TRIM34: variants seen among roughly 807,000 people sequenced by gnomAD.
TRIM34 encodes the protein tripartite motif containing 34, also known as E3 ubiquitin-protein ligase TRIM34.
A neutral mutation model predicts 38.1 loss-of-function variants in TRIM34; 41 were observed. That is an observed-to-expected ratio of 1.08 (90% CI 0.84 to 1.40). TRIM34 has a LOEUF of 1.40. Ranked by LOEUF, TRIM34 falls within the 40% of genes most tolerant of loss-of-function variation. The pLI is 0.00. For synonymous variants in TRIM34, 200 were observed against 202.5 expected (o/e 0.99, Z 0.10); for missense variants, 556 against 571.4 (o/e 0.97, Z 0.27).
chr11:5,628,194 G>C (rs1327288866), intron 1 of TRIM34, among the ~76,000 whole-genome samples: 1 of 152,176 alleles, frequency 6.6e-6, no homozygotes, highest in Admixed American at 6.5e-5. Context: ...CATCCTCACT[G>C]TGAACATGAA....
At chr11:5,628,998 C>T (rs929794088) in intron 1 of TRIM34, among the ~76,000 whole-genome samples, 29 of 152,060 alleles carry the variant, frequency 1.9e-4, no homozygotes, top group South Asian at 4.1e-4. Flanking sequence ...AGGTCAAGGC[C>T]GGGTGCAGTG....
At chr11:5,639,735 G>C (rs1187093084) in intron 4 of TRIM34, among the ~76,000 whole-genome samples, 2 of 149,146 alleles carry the variant, frequency 1.3e-5, no homozygotes, top group African/African-American at 5.0e-5. Flanking sequence ...TATAGGCGGT[G>C]GATAGAACAG....
chr11:5,638,813 G>C (rs954806819), intron 4 of TRIM34, among the ~76,000 whole-genome samples: 1 of 152,174 alleles, frequency 6.6e-6, no homozygotes. Context: ...AGTCCAATGA[G>C]ATGCAGACAG....
upstream of TRIM34, among the ~76,000 whole-genome samples, chr11:5,622,006 G>T (rs1016760170): frequency 6.6e-6 from 1 of 152,050 alleles, no homozygotes; most frequent in Admixed American, 6.5e-5. Flanking sequence ...CTTCAGCCTT[G>T]GTAAAATAAA....
chr11:5,633,278 G>A (rs1275978275), intron 2 of TRIM34, among the ~76,000 whole-genome samples: 1 of 150,758 alleles, frequency 6.6e-6, no homozygotes, highest in Non-Finnish European at 1.5e-5. Flanking sequence ...TGAGTCCCGT[G>A]ATCTTCTCCA....
intron 4 of TRIM34, among the ~76,000 whole-genome samples, chr11:5,639,044 G>A (rs1254006092): frequency 1.3e-5 from 2 of 151,948 alleles, no homozygotes; most frequent in Non-Finnish European, 2.9e-5. Context: ...CTAGAGTCTT[G>A]GAAAGTTTCT....
At chr11:5,623,720 A>G (rs529397440), upstream of TRIM34, among the ~76,000 whole-genome samples, 36 of 152,234 alleles carry the variant, frequency 2.4e-4, no homozygotes, top group African/African-American at 8.7e-4. Flanking sequence ...TTACTTTTGC[A>G]CTAACCTGAT....
chr11:5,632,896 G>A (rs1230831049), intron 2 of TRIM34, 142 bp downstream of exon 2: 20 of 1,156,370 alleles, frequency 1.7e-5, no homozygotes, highest in Middle Eastern at 3.2e-4. Flanking sequence ...GCGTGCTCTC[G>A]GCTCACTGCA....
chr11:5,642,551 T>G, intron 6 of TRIM34, 45 bp downstream of exon 6: 1 of 1,603,734 alleles, frequency 6.2e-7, no homozygotes, highest in Non-Finnish European at 8.5e-7. Context: ...ATTGTTGTGG[T>G]GTCAGGTAAT....
chr11:5,632,821 CCT>C, intron 2 of TRIM34, 67 bp downstream of exon 2: 13 of 1,189,794 alleles, frequency 1.1e-5, no homozygotes, highest in South Asian at 7.7e-5. Context: ...ACCTTTTCAT[CCT>C]TTTTTTTTTT....
At chr11:5,624,498 T>C (rs1196578314), upstream of TRIM34, among the ~76,000 whole-genome samples, 1 of 152,116 alleles carries the variant, frequency 6.6e-6, no homozygotes, top group Non-Finnish European at 1.5e-5. Flanking sequence ...ATAATTCAAA[T>C]TGGTAAACTG....
rs757998714 is a variant in TRIM34, at chr11:5,632,243, C to A, written c.-77-12C>A. ...GTACCATTCTTATACCATCCCCTTT[C>A]AATCTTCTCAGCCATCCAGGGGTCT... On this transcript the variant is annotated splice_polypyrimidine_tract_variant and intron_variant, in intron 1 of 7. Coordinates refer to ENST00000429814, the MANE Select transcript of TRIM34 (RefSeq NM_021616.6). 6.3e-7 allele frequency: 1 copy of A among 1,584,002 alleles called. No homozygotes were observed. Among genetic ancestry groups the A allele is most frequent in the Non-Finnish European group, 8.6e-7 (1 of 1,168,566 alleles).
Position 5,643,126 on chromosome 11 carries a change from T to TATGTA in TRIM34, c.902-18_902-17insATGTA. 9.0e-7 allele frequency: 1 copy of TATGTA among 1,115,534 alleles called. No individual in the cohort carries two copies. 69.1% of individuals were successfully genotyped at this position (1,115,534 alleles called of 1,614,324 possible). A position where few individuals can be genotyped will look rare whatever the true frequency, so the allele number is the denominator to read the frequency against. ...TTATATTCATATACATATATATATATTTTTTTTTTTCTTGCAGTGGATGTC... is the reference window on the plus strand; with the variant it reads ...TTATATTCATATACATATATATATATATGTATTTTTTTTTTCTTGCAGTGGATGTC... On this transcript the variant is annotated splice_polypyrimidine_tract_variant and intron_variant, in intron 7 of 7. Coordinates refer to ENST00000429814, the MANE Select transcript of TRIM34 (RefSeq NM_021616.6).
Position 5,641,202 on chromosome 11 carries a change from G to A in TRIM34, c.773+13G>A. On this transcript the variant is annotated intron_variant, in intron 5 of 7. Coordinates refer to ENST00000429814, the MANE Select transcript of TRIM34 (RefSeq NM_021616.6). ...GAATCATGAAATGGTGCGTATGGGT[G>A]GCCAGGAGTGGTGCTTGTGAGTTAT... 6.2e-7 allele frequency: 1 copy of A among 1,613,732 alleles called. No homozygotes were observed. Among genetic ancestry groups the A allele is most frequent in the East Asian group, 2.2e-5 (1 of 44,844 alleles).
At chr11:5,632,782 G>C in intron 2 of TRIM34, 28 bp downstream of exon 2, 1 of 1,541,992 alleles carries the variant, frequency 6.5e-7, no homozygotes. Context: ...GGGAGATGGG[G>C]CAGAAGATGG....
chr11:5,628,795 C>A (rs1008201863), intron 1 of TRIM34, among the ~76,000 whole-genome samples: 1 of 141,158 alleles, frequency 7.1e-6, no homozygotes, highest in Non-Finnish European at 1.6e-5. Flanking sequence ...ACCAAGATGG[C>A]GGCAAAGTTG....
Position 5,644,374 on chromosome 11 carries a change from T to C in TRIM34, c.*665T>C. 2.5e-6 allele frequency: 1 copy of C among 397,364 alleles called. No homozygotes were observed. The highest frequency in any genetic ancestry group is 4.4e-6 in the Non-Finnish European group (1 of 225,508). 24.6% of individuals were successfully genotyped at this position (397,364 alleles called of 1,614,324 possible). ...GATTTAGTGTCTGGAACATAATAAA[T>C]ATTTGCTCTCATGATTGCTAAAAAG... is the stretch of plus-strand genomic sequence containing the variant. On this transcript the variant is annotated 3_prime_UTR_variant, in exon 8 of 8. Transcript: ENST00000429814.
intron 5 of TRIM34, among the ~76,000 whole-genome samples, chr11:5,641,530 G>A (rs1480411853): frequency 1.3e-5 from 2 of 152,056 alleles, no homozygotes; most frequent in Admixed American, 6.5e-5. Context: ...ATATGTGTTT[G>A]TCATACACAT....
intron 4 of TRIM34, among the ~76,000 whole-genome samples, chr11:5,638,083 TCCTTACATC>T (rs2133944372): frequency 6.6e-6 from 1 of 152,334 alleles, no homozygotes; most frequent in South Asian, 2.1e-4. Context: ...GCGTATCCAA[TCCTTACATC>T]CCTACCAGCC....
Sources: allele counts gnomAD v4.1 joint callset (sites outside exome capture counted in the v4.1 genomes callset), GRCh38; gene constraint gnomAD v4.1.1; transcripts MANE v1.5; gene names NCBI Gene and HGNC (gene_info 2026-07-23, HGNC 2026-07-21).